The following CHST15 variants were observed in gnomAD, a reference collection of about 807,000 sequenced individuals.
CHST15 encodes B cell RAG associated protein (GALNAC4S-6ST).
CHST15 carries 30 observed loss-of-function variants against 53.6 expected under a neutral mutation model. That is an observed-to-expected ratio of 0.56 (90% CI 0.42 to 0.76). The LOEUF (loss-of-function observed/expected upper bound fraction) is 0.76. CHST15 is among the 30% of genes least tolerant of loss of function. The pLI is 0.00. For missense variants in CHST15, 627 were observed against 740.5 expected (o/e 0.85, Z 1.78); for synonymous variants, 296 against 289.8 (o/e 1.02, Z -0.22).
chr10:124,076,490 C>T (rs1279244483), intron 1 of CHST15, among the ~76,000 whole-genome samples: 1 of 152,174 alleles, frequency 6.6e-6, no homozygotes, highest in African/African-American at 2.4e-5. Context: ...CAGCCAGACC[C>T]CTCCCAGCAC....
intron 1 of CHST15, among the ~76,000 whole-genome samples, chr10:124,062,807 CAAGT>C (rs1327405597): frequency 6.6e-6 from 1 of 152,106 alleles, no homozygotes; most frequent in African/African-American, 2.4e-5. Context: ...AATCACACTG[CAAGT>C]AAGAGGCAGG....
intron 1 of CHST15, among the ~76,000 whole-genome samples, chr10:124,073,592 A>G (rs1042504276): frequency 3.3e-5 from 5 of 152,202 alleles, no homozygotes; most frequent in African/African-American, 9.7e-5. Flanking sequence ...GTTCACCAAA[A>G]AAAGAAAGCT....
intron 1 of CHST15, among the ~76,000 whole-genome samples, chr10:124,081,411 T>G (rs1395168607): frequency 6.6e-6 from 1 of 152,002 alleles, no homozygotes; most frequent in African/African-American, 2.4e-5. Context: ...CACACACAAA[T>G]GCCCAGCATC....
At chr10:124,060,239 G>A (rs1440345006) in intron 1 of CHST15, among the ~76,000 whole-genome samples, 3 of 151,808 alleles carry the variant, frequency 2.0e-5, no homozygotes, top group South Asian at 2.1e-4. Flanking sequence ...AGTGTTTGAT[G>A]TGCCAGCCCC....
intron 5 of CHST15, among the ~76,000 whole-genome samples, chr10:124,035,067 AC>A (rs1274320627): frequency 7.1e-5 from 7 of 98,288 alleles, no homozygotes; most frequent in South Asian, 3.6e-4. Flanking sequence ...CCCCGGCTCC[AC>A]CCCCTAACAG....
At chr10:124,016,074 G>C (rs1435239825) in intron 6 of CHST15, among the ~76,000 whole-genome samples, 1 of 152,208 alleles carries the variant, frequency 6.6e-6, no homozygotes, top group Admixed American at 6.5e-5. Context: ...GGCTGTGGCT[G>C]CTGCTCATCC....
intron 1 of CHST15, among the ~76,000 whole-genome samples, chr10:124,062,884 C>T (rs1948628798): frequency 1.3e-5 from 2 of 152,082 alleles, no homozygotes; most frequent in African/African-American, 4.8e-5. Context: ...TGTACTTTCA[C>T]ATTCACTCAT....
chr10:124,067,700 T>G (rs1948788913), intron 1 of CHST15, among the ~76,000 whole-genome samples: 1 of 152,210 alleles, frequency 6.6e-6, no homozygotes, highest in Admixed American at 6.5e-5. Flanking sequence ...CACTGCAACC[T>G]CCGCCTCCTG....
chr10:124,057,661 G>C (rs1948428452), intron 1 of CHST15, among the ~76,000 whole-genome samples: 1 of 152,170 alleles, frequency 6.6e-6, no homozygotes, highest in Non-Finnish European at 1.5e-5. Flanking sequence ...AGCCCACCCA[G>C]CCCCAGAGAA....
At chr10:124,056,183 T>C (rs1948374685) in intron 1 of CHST15, among the ~76,000 whole-genome samples, 3 of 152,062 alleles carry the variant, frequency 2.0e-5, no homozygotes, top group Non-Finnish European at 4.4e-5. Context: ...AGGCCTGGCC[T>C]CAGACAGTCC....
chr10:124,023,139 C>T lies in CHST15; in HGVS notation c.1191-1727G>A, dbSNP rs182531356. On this transcript the variant is annotated intron_variant, in intron 5 of 7. Coordinates refer to ENST00000435907, the MANE Select transcript of CHST15 (RefSeq NM_001270764.2). Reference sequence around the variant, plus strand: ...CTCCTCTACTGAAAAACTGTCATGGCAGTCCCTATACCTACCACAATGGTC... The same window carrying T: ...CTCCTCTACTGAAAAACTGTCATGGTAGTCCCTATACCTACCACAATGGTC... Among the ~76,000 whole-genome samples, 380 of 152,182 alleles carry T rather than the reference C, an allele frequency of 2.5e-3. 1 individual carries two copies. The highest frequency in any genetic ancestry group is 8.9e-3 in the African/African-American group (368 of 41,502).
chr10:124,059,553 G>A (rs1048360412), intron 1 of CHST15, among the ~76,000 whole-genome samples: 8 of 152,218 alleles, frequency 5.3e-5, no homozygotes, highest in African/African-American at 1.7e-4. Context: ...CACGAAGAGT[G>A]AAAAGGCTGC....
Position 124,009,109 on chromosome 10 carries a change from A to G in CHST15, c.*1040T>C. Reference sequence around the variant, plus strand: ...GAGAATGTGGAAATAAACTATTTCCAATGGGAAGGCAGAGAAATGGAGCCT... The same window carrying G: ...GAGAATGTGGAAATAAACTATTTCCGATGGGAAGGCAGAGAAATGGAGCCT... On this transcript the variant is annotated 3_prime_UTR_variant, in exon 8 of 8. Transcript: ENST00000435907. 1 of 1,260,934 alleles carries G rather than the reference A, an allele frequency of 7.9e-7. No homozygotes were observed. Among genetic ancestry groups the G allele is most frequent in the Non-Finnish European group, 1.0e-6 (1 of 966,840 alleles). The allele number at this position is 1,260,934 out of a possible 1,614,324, so 78.1% of individuals were successfully genotyped here.
chr10:124,087,772 T>C (rs1327203145), intron 1 of CHST15, among the ~76,000 whole-genome samples: 1 of 122,608 alleles, frequency 8.2e-6, no homozygotes, highest in African/African-American at 3.1e-5. Flanking sequence ...AGATGTAACA[T>C]TCACAAGCGA....
rs1394426718 is a variant in CHST15 at position 124,045,861 on chromosome 10, T to C, written c.352A>G (p.Ser118Gly). Reference protein sequence around the residue: ...SSPFHYGGFPSNPSLMDSENP... With the variant: ...SSPFHYGGFPGNPSLMDSENP... ...TCGCTGTCCATCAAGCTGGGGTTGC[T>C]GGGGAAGCCTCCGTAATGGAAAGGT... The change falls in exon 2 of 8, where the codon AGC (serine) becomes GGC (glycine). Residue 118 changes from serine to glycine, a missense_variant. This residue lies in a region of CHST15 where 187 missense variants were observed against 251.8 expected (regional missense o/e 0.74). Transcript: ENST00000435907. 2 of 1,614,002 alleles carry C rather than the reference T, an allele frequency of 1.2e-6. No homozygotes were observed. Among genetic ancestry groups the C allele is most frequent in the Non-Finnish European group, 8.5e-7 (1 of 1,179,974 alleles).
At chr10:124,011,099 G>T (rs572027538) in intron 7 of CHST15, 2 of 982,738 alleles carry the variant, frequency 2.0e-6, no homozygotes, top group Non-Finnish European at 2.4e-6. Context: ...CACACGCCCC[G>T]CCCTCTGGAG....
At chr10:124,013,296 G>C (rs1946476346) in intron 6 of CHST15, among the ~76,000 whole-genome samples, 1 of 152,202 alleles carries the variant, frequency 6.6e-6, no homozygotes, top group African/African-American at 2.4e-5. Flanking sequence ...TAGGACTGGA[G>C]ACTAAAGGTC....
chr10:124,038,193 G>A (rs7100014), intron 5 of CHST15, among the ~76,000 whole-genome samples: 112,666 of 151,082 alleles, frequency 0.75, 43,986 homozygotes, highest in Non-Finnish European at 0.87. Flanking sequence ...TGCAGCCTCC[G>A]CCTCCTGGAT....
intron 5 of CHST15, among the ~76,000 whole-genome samples, chr10:124,022,748 C>G (rs1466357238): frequency 6.6e-6 from 1 of 152,036 alleles, no homozygotes; most frequent in African/African-American, 2.4e-5. Context: ...ACCCCTTCCC[C>G]CTTGATGTTT....
Sources: allele counts gnomAD v4.1 joint callset (sites outside exome capture counted in the v4.1 genomes callset), GRCh38; gene constraint gnomAD v4.1.1; regional missense constraint gnomAD v4.1.1; transcripts MANE v1.5; gene names NCBI Gene and HGNC (gene_info 2026-07-23, HGNC 2026-07-21).